SLIT1: variants seen among roughly 807,000 people sequenced by gnomAD.
The protein encoded by SLIT1 is slit homolog 1 protein.
SLIT1 carries 66 observed loss-of-function variants against 186.1 expected under a neutral mutation model. The observed-to-expected ratio is 0.35, with a 90% CI of 0.29 to 0.44. The LOEUF is 0.44. SLIT1 is among the 20% of genes least tolerant of loss of function. The pLI, the probability that SLIT1 is intolerant of heterozygous loss-of-function variation, is 1.00. For missense variants in SLIT1, 1,638 were observed against 2,037.4 expected (o/e 0.80, Z 3.77); for synonymous variants, 761 against 833.8 (o/e 0.91, Z 1.50).
At chr10:97,141,705 T>TCG (rs1564686452) in intron 4 of SLIT1, among the ~76,000 whole-genome samples, 9 of 98,736 alleles carry the variant, frequency 9.1e-5, no homozygotes, top group African/African-American at 4.0e-4. Context: ...TCGTATCGTA[T>TCG]TGTATTGTAC....
At chr10:97,112,270 C>T (rs551429106) in intron 4 of SLIT1, among the ~76,000 whole-genome samples, 1 of 152,006 alleles carries the variant, frequency 6.6e-6, no homozygotes, top group Admixed American at 6.6e-5. Flanking sequence ...GATACTCACC[C>T]CTCGGCATCC....
At chr10:97,179,800 T>TCCCCCCCCC (rs150754287) in intron 1 of SLIT1, among the ~76,000 whole-genome samples, 4 of 126,380 alleles carry the variant, frequency 3.2e-5, no homozygotes, top group Non-Finnish European at 3.5e-5. Flanking sequence ...CTCCACACCC[T>TCCCCCCCCC]CCCCGCCCCC....
In SLIT1 at chr10:97,063,510, G is replaced by T; in HGVS notation, c.738C>A (p.Ala246=). Reference sequence around the variant, plus strand: ...CTGCCACATTGAGGCCACGCAGGCTGGCTGGGCCCGAGCACTGGGTGAAGA... The same window carrying T: ...CTGCCACATTGAGGCCACGCAGGCTTGCTGGGCCCGAGCACTGGGTGAAGA... The part of the protein sequence containing the change: ...IGLFTQCSGP[A]SLRGLNVAEV... Residue 246 remains alanine (A), a synonymous_variant, in exon 8 of 37, where the codon GCC becomes GCA. Transcript: ENST00000266058. 6.2e-7 allele frequency: 1 copy of T among 1,613,170 alleles called. No homozygotes were observed. Among genetic ancestry groups the T allele is most frequent in the Non-Finnish European group, 8.5e-7 (1 of 1,179,972 alleles).
intron 4 of SLIT1, among the ~76,000 whole-genome samples, chr10:97,129,383 C>CAAA (rs57535501): frequency 7.3e-6 from 1 of 137,512 alleles, no homozygotes; most frequent in Non-Finnish European, 1.6e-5. Context: ...GACTGTGTCT[C>CAAA]AAAAAAAAAA....
chr10:97,072,390 C>T (rs1199932779), intron 4 of SLIT1, among the ~76,000 whole-genome samples: 2 of 152,174 alleles, frequency 1.3e-5, no homozygotes, highest in Non-Finnish European at 2.9e-5. Flanking sequence ...TCTCAAACTC[C>T]TGGGTTCAAG....
chr10:97,178,784 AGAG>A lies in SLIT1; in HGVS notation c.197+6691_197+6693del, dbSNP rs1589424186. The stretch of plus-strand genomic sequence containing the variant: ...TGTGTGCGATAGAGAGAAGAGAGAG[AGAG>A]AAAGTGTGTGTGTGTGTGTGTGTGT... On this transcript the variant is annotated intron_variant, in intron 1 of 36. Transcript: ENST00000266058. 1.5e-4 allele frequency among the ~76,000 whole-genome samples: 11 copies of A among 73,508 alleles called. No homozygotes were observed. In the East Asian group the frequency reaches 1.8e-3, roughly 12 times the overall value. The allele number at this position is 73,508 out of a possible 152,430, so 48.2% of individuals were successfully genotyped here.
intron 20 of SLIT1, among the ~76,000 whole-genome samples, chr10:97,041,265 C>T (rs899179984): frequency 1.3e-5 from 2 of 152,298 alleles, no homozygotes; most frequent in East Asian, 1.9e-4. Context: ...TGTCCAGCAG[C>T]TGGGGGCTGC....
intron 4 of SLIT1, among the ~76,000 whole-genome samples, chr10:97,093,741 C>A (rs1318522788): frequency 6.6e-6 from 1 of 152,204 alleles, no homozygotes; most frequent in Non-Finnish European, 1.5e-5. Context: ...AAACCCAATT[C>A]CAGCGGGCAC....
chr10:97,135,743 G>A (rs1346039221), intron 4 of SLIT1, among the ~76,000 whole-genome samples: 1 of 152,184 alleles, frequency 6.6e-6, no homozygotes, highest in East Asian at 1.9e-4. Flanking sequence ...CTGCAGAAGG[G>A]GATGTAAACA....
At chr10:97,026,390 G>A (rs377565125) in intron 25 of SLIT1, among the ~76,000 whole-genome samples, 5 of 150,408 alleles carry the variant, frequency 3.3e-5, no homozygotes, top group African/African-American at 9.8e-5. Context: ...GTTGAACCCG[G>A]GAGGCGGAGG....
intron 4 of SLIT1, among the ~76,000 whole-genome samples, chr10:97,107,740 G>A (rs570796921): frequency 1.0e-3 from 154 of 152,146 alleles, no homozygotes; most frequent in African/African-American, 3.1e-3. Context: ...CCACCCCCAC[G>A]TGCTGCCCTT....
At position 97,001,274 on chromosome 10, in the gene SLIT1, G is replaced by A. The variant is rs555096209; in HGVS notation, c.4443C>T (p.Arg1481=). Residue 1481 remains arginine, a synonymous_variant, in exon 37 of 37, where the codon CGC becomes CGT. Transcript: ENST00000266058. ...CCCGGCACTCCACCCATGACAGGGGGCGCGTGGTCTGGCAGATGGCATAGC... is the reference window on the plus strand; with the variant it reads ...CCCGGCACTCCACCCATGACAGGGGACGCGTGGTCTGGCAGATGGCATAGC... ...QRGYAICQTT[R]PLSWVECRGS... 67 of 1,613,230 alleles carry A rather than the reference G, an allele frequency of 4.2e-5. 1 individual carries two copies. The East Asian group carries it at 8.2e-4, about 20-fold the overall frequency.
intron 1 of SLIT1, among the ~76,000 whole-genome samples, chr10:97,174,051 A>G (rs1850225299): frequency 6.6e-6 from 1 of 152,156 alleles, no homozygotes; most frequent in African/African-American, 2.4e-5. Context: ...CCCTGCCCCT[A>G]GCACATGCAC....
chr10:97,006,088 C>T lies in SLIT1; in HGVS notation c.3579+395G>A, dbSNP rs1034113547. 3.4e-4 allele frequency among the ~76,000 whole-genome samples: 51 copies of T among 152,168 alleles called. No individual in the cohort carries two copies. Among genetic ancestry groups the T allele is most frequent in the African/African-American group, 1.1e-3 (47 of 41,500 alleles). ...GCATGAAAAGGATGAGTTAAGGGAC[C>T]CTAGGGACATTTGGTTAAAGGTATA... On this transcript the variant is annotated intron_variant, in intron 32 of 36. Transcript: ENST00000266058. The surrounding 1 kb of genome is among the most constrained non-coding windows in gnomAD (Gnocchi z 4.0).
At chr10:97,139,028 A>C (rs528872711) in intron 4 of SLIT1, among the ~76,000 whole-genome samples, 1 of 152,336 alleles carries the variant, frequency 6.6e-6, no homozygotes, top group East Asian at 1.9e-4. Flanking sequence ...TGCCAGACAA[A>C]TGACTGCAGG....
intron 22 of SLIT1, among the ~76,000 whole-genome samples, chr10:97,037,048 TTGTGTGTGTGTGTG>T (rs59578209): frequency 2.3e-3 from 272 of 116,950 alleles, no homozygotes; most frequent in Non-Finnish European, 3.2e-3. Flanking sequence ...ATAACCCCCT[TTGTGTGTGTGTGTG>T]TGTGTGTGTG....
At chr10:97,148,355 C>T (rs565474769) in intron 4 of SLIT1, among the ~76,000 whole-genome samples, 28 of 151,412 alleles carry the variant, frequency 1.8e-4, no homozygotes, top group Non-Finnish European at 4.0e-4. Flanking sequence ...GTGGCACAGT[C>T]ATAACTCATT....
intron 4 of SLIT1, among the ~76,000 whole-genome samples, chr10:97,078,256 C>T (rs1008450765): frequency 2.0e-5 from 3 of 152,192 alleles, no homozygotes; most frequent in Non-Finnish European, 4.4e-5. Context: ...ATCCCACCCA[C>T]ATTTACTGAG....
chr10:97,083,909 G>A (rs1233034274), intron 4 of SLIT1, among the ~76,000 whole-genome samples: 1 of 152,128 alleles, frequency 6.6e-6, no homozygotes, highest in Non-Finnish European at 1.5e-5. Context: ...TTGGAGGGGG[G>A]ATCCAAGGCC....
Sources: gnomAD v4.1 joint callset for allele counts (sites outside exome capture counted in the v4.1 genomes callset) on GRCh38, gnomAD v4.1.1 for gene constraint, Gnocchi (gnomAD v3.1) non-coding constraint, MANE v1.5 for transcripts, NCBI Gene and HGNC (gene_info 2026-07-23, HGNC 2026-07-21) for gene names.